CFAP99: variants seen among roughly 807,000 people sequenced by gnomAD.
CFAP99 encodes cilia and flagella associated protein 99, also known as cilia- and flagella-associated protein 99.
A neutral mutation model predicts 82.7 loss-of-function variants in CFAP99; 84 were observed. That is an observed-to-expected ratio of 1.02 (90% CI 0.85 to 1.22). The LOEUF is 1.22. CFAP99 is among the 50% of genes most tolerant of loss of function. The pLI is 0.00. For missense variants in CFAP99, 1,059 were observed against 983.5 expected (o/e 1.08, Z -1.03); for synonymous variants, 456 against 429.5 (o/e 1.06, Z -0.76).
At chr4:2,454,604 T>G (rs1300371466) in intron 11 of CFAP99, among the ~76,000 whole-genome samples, 1 of 150,620 alleles carries the variant, frequency 6.6e-6, no homozygotes, top group Non-Finnish European at 1.5e-5. Flanking sequence ...GTTTTTTTTT[T>G]TTTTTGGTTT....
chr4:2,438,794 C>CA (rs1271303361), intron 4 of CFAP99, among the ~76,000 whole-genome samples: 4 of 152,046 alleles, frequency 2.6e-5, no homozygotes, highest in Non-Finnish European at 2.9e-5. Context: ...ACAACAACAA[C>CA]AACAAAAAAC....
rs536236745 is a variant in CFAP99 at position 2,455,324 on chromosome 4, C to A, written c.1161+2978C>A. Among the ~76,000 whole-genome samples, 10 of 152,318 alleles carry A rather than the reference C, an allele frequency of 6.6e-5. No individual in the cohort carries two copies. The South Asian group carries it at 2.1e-3, about 32-fold the overall frequency. On this transcript the variant is annotated intron_variant, in intron 11 of 14. Coordinates refer to ENST00000635017, the Ensembl canonical transcript of CFAP99. ...GATGGGTGTTTGCCATGCAAATATT[C>A]TTTTTATGTCTTCAAATTTAACAGT...
intron 8 of CFAP99, 37 bp downstream of exon 8, chr4:2,450,042 G>T: frequency 1.3e-6 from 2 of 1,528,276 alleles, no homozygotes; most frequent in Non-Finnish European, 1.8e-6. Flanking sequence ...TCATCGAGGT[G>T]CCATCTTCTC....
intron 4 of CFAP99, among the ~76,000 whole-genome samples, chr4:2,441,514 C>G (rs892472622): frequency 6.6e-6 from 1 of 152,176 alleles, no homozygotes; most frequent in Non-Finnish European, 1.5e-5. Flanking sequence ...TCAGGGGCTG[C>G]TGCAGGGACT....
In CFAP99 at chr4:2,445,117, CT is replaced by C; in HGVS notation, c.465-10del. On this transcript the variant is annotated splice_polypyrimidine_tract_variant and intron_variant, in intron 5 of 14. Transcript: ENST00000635017. ...GGAGTGACCATAAGAGGTGTTTCCA[CT>C]TTTGCCTTCAAGATGGCAGCCAGAG... The C allele has an allele frequency of 7.4e-7, 1 of 1,343,824 alleles. No homozygotes were observed. The highest frequency in any genetic ancestry group is 3.5e-5 in the Admixed American group (1 of 28,244). 83.2% of individuals were successfully genotyped at this position (1,343,824 alleles called of 1,614,324 possible). A position where few individuals can be genotyped will look rare whatever the true frequency, so the allele number is the denominator to read the frequency against.
chr4:2,451,008 C>T (rs553153444), exon 9 of CFAP99: 31 of 1,535,996 alleles, frequency 2.0e-5, no homozygotes, highest in Non-Finnish European at 2.3e-5. Flanking sequence ...CCGAAGCTGA[C>T]CTTCTATAGG....
At chr4:2,434,637 C>A (rs551577147) in intron 2 of CFAP99, among the ~76,000 whole-genome samples, 1 of 152,196 alleles carries the variant, frequency 6.6e-6, no homozygotes, top group African/African-American at 2.4e-5. Context: ...CCCACCACAT[C>A]GGGTGGGACA....
intron 4 of CFAP99, among the ~76,000 whole-genome samples, chr4:2,439,275 C>T (rs965169087): frequency 1.3e-5 from 2 of 152,198 alleles, no homozygotes; most frequent in African/African-American, 2.4e-5. Context: ...AAGAGGGTAG[C>T]GCAGCCAATT....
intron 11 of CFAP99, 83 bp from the exon 12 acceptor site, chr4:2,458,640 A>G: frequency 6.8e-7 from 1 of 1,463,056 alleles, no homozygotes; most frequent in Non-Finnish European, 9.0e-7. Context: ...TTCAGACCTC[A>G]TGCTGCGCCC....
At chr4:2,458,372 G>C (rs140456736) in intron 11 of CFAP99, among the ~76,000 whole-genome samples, 12 of 151,990 alleles carry the variant, frequency 7.9e-5, no homozygotes, top group African/African-American at 2.9e-4. Context: ...CCTACCCCGG[G>C]CCCCCTACCC....
intron 2 of CFAP99, among the ~76,000 whole-genome samples, chr4:2,435,487 C>T (rs1372594055): frequency 2.0e-5 from 3 of 152,042 alleles, no homozygotes; most frequent in African/African-American, 7.2e-5. Context: ...ACATAGAGAC[C>T]TTATAAAAAT....
At chr4:2,457,839 G>T (rs541440373) in intron 11 of CFAP99, among the ~76,000 whole-genome samples, 1 of 152,320 alleles carries the variant, frequency 6.6e-6, no homozygotes, top group Non-Finnish European at 1.5e-5. Flanking sequence ...CTTGCTAGGT[G>T]TTGGCCCTGC....
chr4:2,425,396 C>A (rs1021917729), intron 1 of CFAP99, among the ~76,000 whole-genome samples: 3 of 152,154 alleles, frequency 2.0e-5, no homozygotes, highest in African/African-American at 7.2e-5. Flanking sequence ...CACCAAGGAC[C>A]CTCCAGTGTC....
chr4:2,443,338 C>A, intron 5 of CFAP99, 96 bp downstream of exon 5: 1 of 728,586 alleles, frequency 1.4e-6, no homozygotes, highest in Non-Finnish European at 2.4e-6. Context: ...CCCCTTCCTG[C>A]TCCCAGAAGC....
intron 2 of CFAP99, among the ~76,000 whole-genome samples, chr4:2,430,313 CGT>C (rs1733774960): frequency 2.1e-5 from 1 of 48,554 alleles, no homozygotes; most frequent in Non-Finnish European, 3.4e-5. Context: ...TTACGCAATA[CGT>C]AAACCAAACG....
At chr4:2,461,942 G>A (rs28706507) in intron 14 of CFAP99, among the ~76,000 whole-genome samples, 6,253 of 151,776 alleles carry the variant, frequency 0.041, 406 homozygotes, top group African/African-American at 0.14. Flanking sequence ...TTGTACCCCA[G>A]TTATGCATAT....
chr4:2,438,011 G>A (rs7688771), intron 3 of CFAP99, 59 bp from the exon 4 acceptor site: 376,868 of 1,063,854 alleles, frequency 0.35, 68,358 homozygotes, highest in Admixed American at 0.52. Flanking sequence ...CTCCGGTCCC[G>A]CCGTGTGCCT....
chr4:2,462,487 C>G lies in CFAP99; in HGVS notation c.1706C>G (p.Ser569Trp). 3 of 1,474,778 alleles carry G rather than the reference C, an allele frequency of 2.0e-6. No individual in the cohort carries two copies. The South Asian group carries it at 3.9e-5, about 19-fold the overall frequency. 91.4% of individuals were successfully genotyped at this position (1,474,778 alleles called of 1,614,324 possible). A position where few individuals can be genotyped will look rare whatever the true frequency, so the allele number is the denominator to read the frequency against. ...CTTGCGGCGGCCCCGGCGGCGCCCT[C>G]GCAGGACGAGCGCGTGCAGCAGCTG... The change falls in exon 15 of 15, where the codon TCG (serine) becomes TGG (tryptophan). Residue 569 changes from serine (S) to tryptophan (W), a missense_variant. Ser to Trp is a radical substitution (Grantham distance 177, BLOSUM62 -3). Transcript: ENST00000635017. The surrounding 1 kb of genome is among the most constrained non-coding windows in gnomAD (Gnocchi z 4.1).
At chr4:2,450,030 C>T (rs1486452888) in intron 8 of CFAP99, 25 bp downstream of exon 8, 97 of 1,534,112 alleles carry the variant, frequency 6.3e-5, no homozygotes, top group Non-Finnish European at 7.9e-5. Context: ...TCTCAAGACC[C>T]ATCATCGAGG....
Sources: allele counts gnomAD v4.1 joint callset (sites outside exome capture counted in the v4.1 genomes callset), GRCh38; gene constraint gnomAD v4.1.1; non-coding constraint Gnocchi (gnomAD v3.1); transcripts MANE v1.5; gene names NCBI Gene and HGNC (gene_info 2026-07-23, HGNC 2026-07-21).